Variants in PHLPP2 observed in about 807,000 individuals in gnomAD.
The protein encoded by PHLPP2 is PH domain leucine-rich repeat-containing protein phosphatase 2.
In PHLPP2, 66 loss-of-function variants were observed where a neutral mutation model predicts 124.9. That is an observed-to-expected ratio of 0.53 (90% CI 0.43 to 0.65). The LOEUF (loss-of-function observed/expected upper bound fraction) is 0.65, where lower values mean the gene tolerates loss of function less well. Ranked by LOEUF, PHLPP2 falls within the 30% of genes least tolerant of loss-of-function variation. PHLPP2 has a pLI of 0.00. For missense variants in PHLPP2, 1,685 were observed against 1,600.4 expected (o/e 1.05, Z -0.90); for synonymous variants, 681 against 624.7 (o/e 1.09, Z -1.34).
intron 4 of PHLPP2, among the ~76,000 whole-genome samples, chr16:71,690,192 G>T (rs770294633): frequency 3.9e-5 from 6 of 152,080 alleles, no homozygotes; most frequent in Non-Finnish European, 5.9e-5. Flanking sequence ...AACCCCGAAA[G>T]AATCTATTTG....
At chr16:71,685,633 A>G (rs1263227431) in intron 4 of PHLPP2, among the ~76,000 whole-genome samples, 1 of 152,238 alleles carries the variant, frequency 6.6e-6, no homozygotes, top group Admixed American at 6.5e-5. Flanking sequence ...ATTAGTAACA[A>G]ATCATTGCAA....
At chr16:71,656,250 C>T (rs1320607375) in intron 16 of PHLPP2, among the ~76,000 whole-genome samples, 1 of 152,018 alleles carries the variant, frequency 6.6e-6, no homozygotes, top group African/African-American at 2.4e-5. Context: ...GAAAGTGAGG[C>T]CATTCTATTG....
intron 3 of PHLPP2, among the ~76,000 whole-genome samples, chr16:71,695,265 C>T (rs545344956): frequency 6.6e-6 from 1 of 152,280 alleles, no homozygotes; most frequent in East Asian, 1.9e-4. Context: ...AGAGATCACT[C>T]TGAAGGAATA....
intron 2 of PHLPP2, among the ~76,000 whole-genome samples, chr16:71,704,061 G>A (rs1014738944): frequency 5.9e-5 from 9 of 152,114 alleles, no homozygotes; most frequent in East Asian, 1.9e-4. Context: ...AGTGGCTCAC[G>A]CCTGTAATCC....
At chr16:71,664,756 A>AG (rs879848506) in intron 12 of PHLPP2, among the ~76,000 whole-genome samples, 6 of 152,228 alleles carry the variant, frequency 3.9e-5, no homozygotes, top group Non-Finnish European at 7.4e-5. Flanking sequence ...ATCTCAAAGA[A>AG]GAAAAAAAAA....
At chr16:71,706,981 A>T (rs1349107508) in intron 2 of PHLPP2, among the ~76,000 whole-genome samples, 3 of 98,306 alleles carry the variant, frequency 3.1e-5, no homozygotes, top group East Asian at 3.5e-4. Context: ...TTTGAGACGG[A>T]GTCTTGCTGT....
Position 71,679,407 on chromosome 16 carries a change from T to G in PHLPP2, c.1019A>C (p.Gln340Pro). The change falls in exon 7 of 19, where the codon CAA becomes CCA. Residue 340 changes from glutamine (Q) to proline (P), a missense_variant. Transcript: ENST00000568954. ...SCNGFHDLPS[Q>P]IGNLLNLQTL... Reference sequence around the variant, plus strand: ...TACTTACTTTAGCAGATTGCCAATTTGACTTGGTAGGTCATGAAATCCATT... The same window carrying G: ...TACTTACTTTAGCAGATTGCCAATTGGACTTGGTAGGTCATGAAATCCATT... 2 of 1,614,028 alleles carry G rather than the reference T, an allele frequency of 1.2e-6. No individual in the cohort carries two copies. The highest frequency in any genetic ancestry group is 1.7e-6 in the Non-Finnish European group (2 of 1,179,912).
intron 3 of PHLPP2, among the ~76,000 whole-genome samples, chr16:71,692,608 C>T (rs2045126113): frequency 6.6e-6 from 1 of 152,148 alleles, no homozygotes. Flanking sequence ...TTCATCTATA[C>T]AGTCGTTCCT....
chr16:71,669,189 A>C (rs2044867529), intron 11 of PHLPP2, 86 bp downstream of exon 11: 1 of 864,790 alleles, frequency 1.2e-6, no homozygotes, highest in Non-Finnish European at 1.9e-6. Context: ...AACAAATAAA[A>C]GGCAACCCAA....
intron 13 of PHLPP2, among the ~76,000 whole-genome samples, chr16:71,659,248 T>C (rs947425025): frequency 2.2e-4 from 1 of 4,614 alleles, no homozygotes; most frequent in African/African-American, 5.9e-4. Context: ...ATCACAAAGA[T>C]TTTTTTTTTT....
At chr16:71,654,070 C>A (rs2044720182) in intron 17 of PHLPP2, among the ~76,000 whole-genome samples, 1 of 152,042 alleles carries the variant, frequency 6.6e-6, no homozygotes, top group African/African-American at 2.4e-5. Context: ...TGGCGGGCAC[C>A]TGTAGTCCCA....
chr16:71,689,464 C>G lies in PHLPP2; in HGVS notation c.609+1055G>C, dbSNP rs185883557. Among the ~76,000 whole-genome samples the G allele has an allele frequency of 9.0e-5, 13 of 144,656 alleles. No individual in the cohort carries two copies. The South Asian group carries it at 2.9e-3, about 32-fold the overall frequency. The allele number at this position is 144,656 out of a possible 152,430, so 94.9% of individuals were successfully genotyped here. Reference sequence around the variant, plus strand: ...CTGGGGTGCAATGGCATGATCTTGGCTCACCACAACCTCCGCCTCCCAGGT... The same window carrying G: ...CTGGGGTGCAATGGCATGATCTTGGGTCACCACAACCTCCGCCTCCCAGGT... On this transcript the variant is annotated intron_variant, in intron 4 of 18. Transcript: ENST00000568954.
At chr16:71,666,485 C>G (rs2044841312) in intron 12 of PHLPP2, among the ~76,000 whole-genome samples, 1 of 152,138 alleles carries the variant, frequency 6.6e-6, no homozygotes, top group African/African-American at 2.4e-5. Context: ...TGCACTCCAG[C>G]CTGAGTGACA....
rs2044648881 is a variant in PHLPP2 at position 71,645,729 on chromosome 16, C to A, written c.*3161G>T. 6.5e-6 allele frequency: 1 copy of A among 153,344 alleles called. No homozygotes were observed. Among genetic ancestry groups the A allele is most frequent in the Admixed American group, 6.5e-5 (1 of 15,272 alleles). 9.5% of individuals were successfully genotyped at this position (153,344 alleles called of 1,614,324 possible). On this transcript the variant is annotated 3_prime_UTR_variant, in exon 19 of 19. Coordinates refer to ENST00000568954, the MANE Select transcript of PHLPP2 (RefSeq NM_015020.3). The stretch of plus-strand genomic sequence containing the variant: ...CTGCTCCTGCTGGCTCTTCCGTACA[C>A]CAGTAAATGAACTCACCAATGTATT...
chr16:71,677,481 TATATATATA>T (rs2044957749), intron 8 of PHLPP2: 1 of 117,656 alleles, frequency 8.5e-6, no homozygotes, highest in African/African-American at 3.3e-5. Flanking sequence ...TATATATATA[TATATATATA>T]TATGGAAGAG....
At chr16:71,697,798 T>C (rs2045188022) in intron 3 of PHLPP2, among the ~76,000 whole-genome samples, 1 of 150,126 alleles carries the variant, frequency 6.7e-6, no homozygotes, top group Non-Finnish European at 1.5e-5. Context: ...AGAGGTTTGC[T>C]CTTTCTCTCT....
chr16:71,666,684 G>A (rs1459968990), intron 12 of PHLPP2, among the ~76,000 whole-genome samples: 1 of 152,182 alleles, frequency 6.6e-6, no homozygotes, highest in African/African-American at 2.4e-5. Context: ...ACACCTTCTG[G>A]AAGGACATTA....
At chr16:71,708,912 G>C (rs2033773239) in intron 2 of PHLPP2, among the ~76,000 whole-genome samples, 1 of 152,120 alleles carries the variant, frequency 6.6e-6, no homozygotes, top group Non-Finnish European at 1.5e-5. Flanking sequence ...TGTTATGATA[G>C]GGCCTGTGAA....
intron 3 of PHLPP2, among the ~76,000 whole-genome samples, chr16:71,701,949 C>T (rs988638574): frequency 1.3e-5 from 2 of 152,138 alleles, no homozygotes; most frequent in Non-Finnish European, 2.9e-5. Flanking sequence ...TCAGTACTAT[C>T]TGCAATTTCA....
Sources: allele counts gnomAD v4.1 joint callset (sites outside exome capture counted in the v4.1 genomes callset), GRCh38; gene constraint gnomAD v4.1.1; transcripts MANE v1.5; gene names NCBI Gene and HGNC (gene_info 2026-07-23, HGNC 2026-07-21).